ENOX1: variants seen among roughly 807,000 people sequenced by gnomAD.
The protein encoded by ENOX1 is ecto-NOX disulfide-thiol exchanger 1.
In ENOX1, 42 loss-of-function variants were observed where a neutral mutation model predicts 82.5. The ratio of observed to expected loss-of-function variants is 0.51; its 90% CI spans 0.40 to 0.66. ENOX1 has a LOEUF of 0.66. Among genes scored for constraint, ENOX1 ranks in the 30% least tolerant of loss-of-function variants. The pLI is 0.00. For missense variants in ENOX1, 608 were observed against 811.6 expected, an observed-to-expected ratio of 0.75 and a Z score of 3.05; for synonymous variants, 271 against 282.2, an observed-to-expected ratio of 0.96 and a Z score of 0.40.
chr13:43,217,497 C>T lies in ENOX1; in HGVS notation c.1801-3376G>A, dbSNP rs139154972. Among the ~76,000 whole-genome samples the T allele has an allele frequency of 5.3e-3, 806 of 152,184 alleles. 6 individuals carry two copies. The highest frequency in any genetic ancestry group is 8.0e-3 in the Non-Finnish European group (544 of 68,014). On this transcript the variant is annotated intron_variant, in intron 16 of 16. Coordinates refer to ENST00000690772, the MANE Select transcript of ENOX1 (RefSeq NM_001347969.2). Reference sequence around the variant, plus strand: ...AAAGGAAGCAGGACAAGGCTTGCAGCGGGACAGAGGTAGCTACCATTTACC... The same window carrying T: ...AAAGGAAGCAGGACAAGGCTTGCAGTGGGACAGAGGTAGCTACCATTTACC...
chr13:43,409,490 T>C (rs2053992092), intron 5 of ENOX1, among the ~76,000 whole-genome samples: 1 of 152,192 alleles, frequency 6.6e-6, no homozygotes, highest in Admixed American at 6.5e-5. Context: ...GCTTACCATA[T>C]GGAGGTTATA....
intron 2 of ENOX1, among the ~76,000 whole-genome samples, chr13:43,490,194 G>A (rs1335295838): frequency 1.3e-5 from 2 of 152,048 alleles, no homozygotes; most frequent in Admixed American, 6.6e-5. Context: ...CACCTGCCTC[G>A]GCCTCCCAAA....
intron 3 of ENOX1, among the ~76,000 whole-genome samples, chr13:43,474,289 C>G (rs1192041339): frequency 6.6e-6 from 1 of 152,140 alleles, no homozygotes; most frequent in Non-Finnish European, 1.5e-5. Context: ...GAAACATCAC[C>G]TACTTCCAAC....
At position 43,786,934 on chromosome 13, in the gene ENOX1, T is replaced by A. The variant is rs1366717624; in HGVS notation, c.-567A>T. The A allele has an allele frequency of 1.3e-5, 2 of 149,202 alleles. No homozygotes were observed. The highest frequency in any genetic ancestry group is 2.5e-5 in the African/African-American group (1 of 40,416). 9.2% of individuals were successfully genotyped at this position (149,202 alleles called of 1,614,324 possible). The stretch of plus-strand genomic sequence containing the variant: ...TGAGGGGCGCTGGAGACTCCGCGGC[T>A]GGAGGCGCGCGGGCGTGCGCACGCG... On this transcript the variant is annotated 5_prime_UTR_variant, in exon 1 of 17. Transcript: ENST00000690772. This position sits in a 1 kb window ranked among gnomAD's most constrained non-coding sequence, Gnocchi z 6.0.
intron 2 of ENOX1, among the ~76,000 whole-genome samples, chr13:43,584,393 G>C (rs1056021569): frequency 6.6e-6 from 1 of 152,192 alleles, no homozygotes; most frequent in Admixed American, 6.5e-5. Context: ...GTATAAGCTA[G>C]TGAGAGTCAT....
intron 2 of ENOX1, among the ~76,000 whole-genome samples, chr13:43,590,011 C>T (rs940421201): frequency 1.3e-5 from 2 of 151,978 alleles, no homozygotes; most frequent in African/African-American, 4.8e-5. Context: ...AGGAACTAAG[C>T]CAACAGCAAG....
intron 5 of ENOX1, among the ~76,000 whole-genome samples, chr13:43,366,796 T>C (rs1566049135): frequency 6.6e-6 from 1 of 152,220 alleles, no homozygotes; most frequent in Non-Finnish European, 1.5e-5. Context: ...ATAATATCTG[T>C]AAAATGAAGA....
At chr13:43,720,285 G>C (rs1345160473) in intron 1 of ENOX1, among the ~76,000 whole-genome samples, 2 of 152,116 alleles carry the variant, frequency 1.3e-5, no homozygotes, top group African/African-American at 4.8e-5. Flanking sequence ...CCTGGACTAG[G>C]GCTGCTCCCT....
chr13:43,307,196 A>C (rs1427954248), intron 11 of ENOX1, among the ~76,000 whole-genome samples: 2 of 152,190 alleles, frequency 1.3e-5, no homozygotes, highest in Non-Finnish European at 2.9e-5. Flanking sequence ...CAACATTGAA[A>C]TTGACTTATG....
At chr13:43,473,511 T>C (rs1478446452) in intron 3 of ENOX1, among the ~76,000 whole-genome samples, 1 of 152,214 alleles carries the variant, frequency 6.6e-6, no homozygotes, top group East Asian at 1.9e-4. Flanking sequence ...CTATAGTATT[T>C]ATTCAAGTGT....
chr13:43,375,260 C>T (rs1249437410), intron 5 of ENOX1, among the ~76,000 whole-genome samples: 18 of 142,820 alleles, frequency 1.3e-4, no homozygotes, highest in Admixed American at 7.1e-5. Context: ...AAGAACGGGG[C>T]GGGGGGTGAG....
chr13:43,734,780 G>A (rs2089529920), intron 1 of ENOX1, among the ~76,000 whole-genome samples: 1 of 152,182 alleles, frequency 6.6e-6, no homozygotes, highest in African/African-American at 2.4e-5. Context: ...CTCTAAAGGA[G>A]TTTCTGGTTT....
intron 14 of ENOX1, among the ~76,000 whole-genome samples, chr13:43,249,791 A>T (rs1054288160): frequency 2.6e-5 from 4 of 152,232 alleles, no homozygotes; most frequent in African/African-American, 9.6e-5. Context: ...CAAATTTTAC[A>T]AGGTTTTCCT....
At chr13:43,327,261 G>T (rs1215552314) in intron 9 of ENOX1, among the ~76,000 whole-genome samples, 1 of 152,146 alleles carries the variant, frequency 6.6e-6, no homozygotes, top group Non-Finnish European at 1.5e-5. Context: ...AGCTCCTCAT[G>T]ATCACATTCC....
At chr13:43,476,647 C>T (rs1210653846) in intron 3 of ENOX1, among the ~76,000 whole-genome samples, 1 of 152,134 alleles carries the variant, frequency 6.6e-6, no homozygotes, top group Non-Finnish European at 1.5e-5. Flanking sequence ...TCCCACTCTT[C>T]AGACACAATT....
At chr13:43,411,183 T>C (rs1375849040) in intron 5 of ENOX1, among the ~76,000 whole-genome samples, 1 of 152,184 alleles carries the variant, frequency 6.6e-6, no homozygotes, top group Admixed American at 6.5e-5. Flanking sequence ...TTTCAGGTGT[T>C]GGTGTTTTGT....
At chr13:43,735,223 C>A (rs957004867) in intron 1 of ENOX1, among the ~76,000 whole-genome samples, 2 of 152,136 alleles carry the variant, frequency 1.3e-5, no homozygotes, top group African/African-American at 4.8e-5. Context: ...GGACAACATG[C>A]TAGTAACTGG....
At chr13:43,753,842 G>A (rs1184297575) in intron 1 of ENOX1, among the ~76,000 whole-genome samples, 2 of 152,128 alleles carry the variant, frequency 1.3e-5, no homozygotes, top group African/African-American at 2.4e-5. Context: ...CCTATTAAGA[G>A]TAATACGTCA....
intron 2 of ENOX1, among the ~76,000 whole-genome samples, chr13:43,645,341 G>A (rs1171579496): frequency 2.0e-5 from 3 of 151,774 alleles, no homozygotes; most frequent in Non-Finnish European, 4.4e-5. Flanking sequence ...TTTTTTTTAA[G>A]AGAGGTAAGT....
Sources: gnomAD v4.1 joint callset for allele counts (sites outside exome capture counted in the v4.1 genomes callset) on GRCh38, gnomAD v4.1.1 for gene constraint, Gnocchi (gnomAD v3.1) non-coding constraint, MANE v1.5 for transcripts, NCBI Gene and HGNC (gene_info 2026-07-23, HGNC 2026-07-21) for gene names.